LIX1L: variants seen among roughly 807,000 people sequenced by gnomAD.
LIX1L encodes LIX1-like protein.
In LIX1L, 20 loss-of-function variants were observed where a neutral mutation model predicts 34.0. The observed-to-expected ratio is 0.59, with a 90% CI of 0.41 to 0.85. The LOEUF (loss-of-function observed/expected upper bound fraction) is 0.85. Among genes scored for constraint, LIX1L ranks in the 40% least tolerant of loss-of-function variants. The probability of loss-of-function intolerance (pLI) is 0.00; values close to 1 mark genes in which losing one functional copy is unlikely to be tolerated. For missense variants in LIX1L, 397 were observed against 447.0 expected, an observed-to-expected ratio of 0.89 and a Z score of 1.01; for synonymous variants, 170 against 187.4, an observed-to-expected ratio of 0.91 and a Z score of 0.76.
intron 1 of LIX1L, among the ~76,000 whole-genome samples, chr1:145,949,945 A>G (rs587641944): frequency 6.6e-6 from 1 of 151,764 alleles, no homozygotes; most frequent in African/African-American, 2.4e-5. Context: ...GCCTCTGAGT[A>G]GCTGGGACCA....
intron 2 of LIX1L, among the ~76,000 whole-genome samples, chr1:145,943,899 C>T (rs1025444882): frequency 8.6e-5 from 13 of 151,502 alleles, no homozygotes; most frequent in African/African-American, 2.9e-4. Context: ...AAAAATTAGC[C>T]AGGCATGGTG....
intron 1 of LIX1L, among the ~76,000 whole-genome samples, chr1:145,951,890 A>C (rs1271064025): frequency 2.6e-5 from 4 of 152,248 alleles, no homozygotes; most frequent in African/African-American, 9.6e-5. Flanking sequence ...AGACTAGAGA[A>C]TCATTTTTTA....
intron 1 of LIX1L, among the ~76,000 whole-genome samples, chr1:145,949,405 G>GT (rs1649214086): frequency 6.6e-6 from 1 of 152,134 alleles, no homozygotes; most frequent in Non-Finnish European, 1.5e-5. Context: ...TGTTCTGTGC[G>GT]TAAGGAACAG....
At chr1:145,954,222 C>A (rs1236965340) in intron 1 of LIX1L, among the ~76,000 whole-genome samples, 3 of 152,104 alleles carry the variant, frequency 2.0e-5, no homozygotes, top group Admixed American at 6.5e-5. Context: ...GGAGGGAGCA[C>A]GGCCCTGCCA....
chr1:145,957,932 G>T lies in LIX1L; in HGVS notation c.-5C>A. On this transcript the variant is annotated 5_prime_UTR_variant, in exon 1 of 6. Transcript: ENST00000604000. The stretch of plus-strand genomic sequence containing the variant: ...CTGCGCTCGCATAGTCTCCATCCCG[G>T]CCGCCAATGGAGTAGCGCCCCGGAG... The T allele has an allele frequency of 1.4e-6, 2 of 1,474,102 alleles. No individual in the cohort carries two copies. The highest frequency in any genetic ancestry group is 2.9e-5 in the African/African-American group (2 of 68,694). The allele number at this position is 1,474,102 out of a possible 1,614,324, so 91.3% of individuals were successfully genotyped here. A position where few individuals can be genotyped will look rare whatever the true frequency, so the allele number is the denominator to read the frequency against.
intron 1 of LIX1L, 124 bp downstream of exon 1, chr1:145,957,511 GA>G: frequency 7.7e-7 from 1 of 1,293,564 alleles, no homozygotes; most frequent in Non-Finnish European, 9.8e-7. Flanking sequence ...GCGTAGCCCA[GA>G]AGGAAACTCC....
At chr1:145,940,235 G>A (rs1648847703) in intron 3 of LIX1L, among the ~76,000 whole-genome samples, 3 of 152,234 alleles carry the variant, frequency 2.0e-5, no homozygotes, top group African/African-American at 7.2e-5. Flanking sequence ...TAAAGTGCTG[G>A]GATTACAGGC....
rs1570968806 is a variant in LIX1L at position 145,947,697 on chromosome 1, A to G, written c.378T>C (p.Tyr126=). Residue 126 remains tyrosine, a synonymous_variant, in exon 2 of 6, where the codon TAT becomes TAC. Coordinates refer to ENST00000604000, the MANE Select transcript of LIX1L (RefSeq NM_153713.3). ...ADLKNGALVV[Y]EMVPSNSPPY... is the part of the protein sequence containing the mutation. Reference sequence around the variant, plus strand: ...GAGGGCTGTTGGAGGGAACCATCTCATAAACCACTAGAGCCCCATTCTTTA... The same window carrying G: ...GAGGGCTGTTGGAGGGAACCATCTCGTAAACCACTAGAGCCCCATTCTTTA... 6 of 1,610,602 alleles carry G rather than the reference A, an allele frequency of 3.7e-6. No homozygotes were observed. The highest frequency in any genetic ancestry group is 5.1e-6 in the Non-Finnish European group (6 of 1,176,874).
chr1:145,944,731 T>C (rs1649040179), intron 2 of LIX1L: 1 of 152,228 alleles, frequency 6.6e-6, no homozygotes, highest in South Asian at 2.1e-4. Flanking sequence ...GCTTCAGTTA[T>C]TGCACCCTGC....
chr1:145,949,418 T>C (rs1456734941), intron 1 of LIX1L, among the ~76,000 whole-genome samples: 1 of 152,112 alleles, frequency 6.6e-6, no homozygotes, highest in East Asian at 1.9e-4. Context: ...AGGAACAGCA[T>C]GTTCAAAGGC....
chr1:145,942,828 C>T lies in LIX1L; in HGVS notation c.482G>A (p.Arg161Gln), dbSNP rs1648970014. 5 of 1,614,122 alleles carry T rather than the reference C, an allele frequency of 3.1e-6. No homozygotes were observed. Among genetic ancestry groups the T allele is most frequent in the Non-Finnish European group, 3.4e-6 (4 of 1,179,998 alleles). ...FQFCPTKAEA[R>Q]RSAAKIALMN... Reference sequence around the variant, plus strand: ...TAGCGCAATCTTTGCAGCACTCCTCCGGGCCTCAGCTTTTGTGGGGCAAAA... The same window carrying T: ...TAGCGCAATCTTTGCAGCACTCCTCTGGGCCTCAGCTTTTGTGGGGCAAAA... The change falls in exon 3 of 6, where the codon CGG (arginine) becomes CAG (glutamine). Residue 161 changes from arginine (R) to glutamine (Q), a missense_variant. Coordinates refer to ENST00000604000, the MANE Select transcript of LIX1L (RefSeq NM_153713.3).
rs1648634719 is a variant in LIX1L at position 145,936,194 on chromosome 1, T to C, written c.*116A>G. ...AATCTAGGTGTAGAATTTATACACA[T>C]ATATATTTTTTAAAGTATAAAAATG... On this transcript the variant is annotated 3_prime_UTR_variant, in exon 6 of 6. Coordinates refer to ENST00000604000, the MANE Select transcript of LIX1L (RefSeq NM_153713.3). 24 of 1,155,636 alleles carry C rather than the reference T, an allele frequency of 2.1e-5. No individual in the cohort carries two copies. The South Asian group carries it at 3.3e-4, about 16-fold the overall frequency. The allele number at this position is 1,155,636 out of a possible 1,614,324, so 71.6% of individuals were successfully genotyped here.
chr1:145,950,052 G>A (rs112829577), intron 1 of LIX1L: 387 of 152,338 alleles, frequency 2.5e-3, no homozygotes, highest in African/African-American at 9.2e-3. Flanking sequence ...CTGAGCTCAA[G>A]CGGCCTCCCA....
rs1553757794 is a variant in LIX1L at position 145,936,338 on chromosome 1, A to G, written c.986T>C (p.Leu329Ser). The change falls in exon 6 of 6, where the codon TTG becomes TCG. Residue 329 changes from leucine to serine, a missense_variant. Leu to Ser is a moderately radical substitution (Grantham distance 145, BLOSUM62 -2). Coordinates refer to ENST00000604000, the MANE Select transcript of LIX1L (RefSeq NM_153713.3). ...GCAGTTGGAAGAATGCATATTGCCC[A>G]ACTGCCCAGCAGCCAGCACAAGAAT... The part of the protein sequence containing the change: ...KDILVLAAGQ[L>S]GNMHSSNC The G allele has an allele frequency of 1.2e-6, 2 of 1,614,086 alleles. No homozygotes were observed. The highest frequency in any genetic ancestry group is 3.3e-5 in the Admixed American group (2 of 60,002).
chr1:145,956,481 AAATT>A (rs1440023672), intron 1 of LIX1L, among the ~76,000 whole-genome samples: 1 of 152,182 alleles, frequency 6.6e-6, no homozygotes, highest in Non-Finnish European at 1.5e-5. Context: ...AAGCTCAGTG[AAATT>A]AAGTCCCTTC....
Position 145,934,032 on chromosome 1 carries a change from C to T in LIX1L, c.*2278G>A, listed in dbSNP as rs1648524986. The T allele has an allele frequency of 6.6e-6, 1 of 152,090 alleles. No individual in the cohort carries two copies. The highest frequency in any genetic ancestry group is 1.5e-5 in the Non-Finnish European group (1 of 67,998). The allele number at this position is 152,090 out of a possible 1,614,324, so 9.4% of individuals were successfully genotyped here. A position where few individuals can be genotyped will look rare whatever the true frequency, so the allele number is the denominator to read the frequency against. ...TTTCTGTTTGGAACCTAATCTATTTCTAAAAGCAAAGTCTGTATAATTGTT... is the reference window on the plus strand; with the variant it reads ...TTTCTGTTTGGAACCTAATCTATTTTTAAAAGCAAAGTCTGTATAATTGTT... On this transcript the variant is annotated 3_prime_UTR_variant, in exon 6 of 6. Transcript: ENST00000604000.
chr1:145,951,337 G>A (rs587763421), intron 1 of LIX1L, among the ~76,000 whole-genome samples: 2 of 152,210 alleles, frequency 1.3e-5, no homozygotes, highest in Non-Finnish European at 1.5e-5. Flanking sequence ...GTGAGCCACC[G>A]CGCCCAGCAA....
In LIX1L at chr1:145,935,767, A is replaced by C. The variant is rs1459900748; in HGVS notation, c.*543T>G. Reference sequence around the variant, plus strand: ...AGATCTCTACTTCCTTCAGAATAATAAGGTAGGGAAGGAAGCCTCAAAACA... The same window carrying C: ...AGATCTCTACTTCCTTCAGAATAATCAGGTAGGGAAGGAAGCCTCAAAACA... On this transcript the variant is annotated 3_prime_UTR_variant, in exon 6 of 6. Coordinates refer to ENST00000604000, the MANE Select transcript of LIX1L (RefSeq NM_153713.3). 1 of 155,056 alleles carries C rather than the reference A, an allele frequency of 6.4e-6. No homozygotes were observed. The highest frequency in any genetic ancestry group is 1.4e-5 in the Non-Finnish European group (1 of 69,730). The allele number at this position is 155,056 out of a possible 1,614,324, so 9.6% of individuals were successfully genotyped here. A position where few individuals can be genotyped will look rare whatever the true frequency, so the allele number is the denominator to read the frequency against.
chr1:145,954,698 A>G (rs1649410311), intron 1 of LIX1L, among the ~76,000 whole-genome samples: 1 of 152,196 alleles, frequency 6.6e-6, no homozygotes, highest in South Asian at 2.1e-4. Flanking sequence ...TATGCCATAG[A>G]AAAAAAGGGT....
Sources: gnomAD v4.1 joint callset for allele counts (sites outside exome capture counted in the v4.1 genomes callset) on GRCh38, gnomAD v4.1.1 for gene constraint, MANE v1.5 for transcripts, NCBI Gene and HGNC (gene_info 2026-07-23, HGNC 2026-07-21) for gene names.